Variants in ERGIC3 observed in about 807,000 individuals in gnomAD.
ERGIC3 encodes endoplasmic reticulum-Golgi intermediate compartment protein 3.
ERGIC3 carries 33 observed loss-of-function variants against 54.7 expected under a neutral mutation model. The observed-to-expected ratio is 0.60, with a 90% CI of 0.46 to 0.81. The LOEUF (loss-of-function observed/expected upper bound fraction) is 0.81, where lower values mean the gene tolerates loss of function less well. Among genes scored for constraint, ERGIC3 ranks in the 30% least tolerant of loss-of-function variants. The pLI, the probability that ERGIC3 is intolerant of heterozygous loss-of-function variation, is 0.00. For synonymous variants in ERGIC3, 186 were observed against 189.8 expected, an observed-to-expected ratio of 0.98 and a Z score of 0.16; for missense variants, 399 against 488.4, an observed-to-expected ratio of 0.82 and a Z score of 1.73.
chr20:35,547,384 G>A (rs1464668678), intron 4 of ERGIC3, 28 bp from the exon 5 acceptor site: 1 of 1,593,580 alleles, frequency 6.3e-7, no homozygotes, highest in East Asian at 2.2e-5. Flanking sequence ...GGCCCCAGCT[G>A]ATGCCTCTGC....
intron 7 of ERGIC3, chr20:35,549,286 T>C (rs1443282603): frequency 8.5e-6 from 4 of 468,928 alleles, no homozygotes; most frequent in Non-Finnish European, 1.8e-5. Context: ...CAGAGCTAGG[T>C]TGGAGCACAG....
chr20:35,549,249 G>A (rs763473250), intron 7 of ERGIC3: 3 of 472,594 alleles, frequency 6.3e-6, no homozygotes, highest in East Asian at 6.9e-5. Context: ...GTCCGATGAT[G>A]ACCTGTGCAT....
At position 35,547,480 on chromosome 20, in the gene ERGIC3, T is replaced by TA; in HGVS notation, c.437dup (p.Tyr146Ter). ...SLDPDRCESC[Y>*]GAEAEDIKCC... The stretch of plus-strand genomic sequence containing the variant: ...GGACCCTGATCGCTGTGAGAGCTGC[T>TA]ATGGTGCTGAGGCAGAAGATATCAA... Residue 146 changes from tyrosine to a stop codon, truncating the protein, a stop_gained and frameshift_variant, in exon 5 of 13, where the codon TAT becomes TAAT. Coordinates refer to ENST00000348547, the MANE Select transcript of ERGIC3 (RefSeq NM_015966.3). LOFTEE classifies it high-confidence loss of function. 2 of 1,614,028 alleles carry TA rather than the reference T, an allele frequency of 1.2e-6. No individual in the cohort carries two copies. Among genetic ancestry groups the TA allele is most frequent in the Non-Finnish European group, 1.7e-6 (2 of 1,179,998 alleles).
chr20:35,552,227 G>T (rs765081512), intron 7 of ERGIC3, among the ~76,000 whole-genome samples: 1 of 152,204 alleles, frequency 6.6e-6, no homozygotes, highest in Non-Finnish European at 1.5e-5. Context: ...TCTTCTCCGT[G>T]TTGTAGGAAG....
intron 4 of ERGIC3, 132 bp from the exon 5 acceptor site, chr20:35,547,280 G>A: frequency 3.0e-6 from 2 of 662,166 alleles, no homozygotes; most frequent in East Asian, 2.8e-5. Context: ...TGCCTGACCC[G>A]TAGCATGTAC....
intron 5 of ERGIC3, among the ~76,000 whole-genome samples, chr20:35,548,134 C>G (rs2064660633): frequency 6.6e-6 from 1 of 152,178 alleles, no homozygotes; most frequent in African/African-American, 2.4e-5. Context: ...TCACCACTCT[C>G]TGTCCTAAAA....
chr20:35,549,073 T>C, intron 7 of ERGIC3: 1 of 685,706 alleles, frequency 1.5e-6, no homozygotes, highest in Non-Finnish European at 2.7e-6. Context: ...TTTCAGACCT[T>C]ACTGGCTGTG....
intron 4 of ERGIC3, chr20:35,544,946 G>A (rs1211261411): frequency 1.3e-5 from 2 of 151,310 alleles, no homozygotes; most frequent in Non-Finnish European, 2.9e-5. Flanking sequence ...GGGGTTACAG[G>A]CGCCTGCCCC....
At chr20:35,551,260 C>G (rs533262093) in intron 7 of ERGIC3, among the ~76,000 whole-genome samples, 1 of 151,304 alleles carries the variant, frequency 6.6e-6, no homozygotes, top group Non-Finnish European at 1.5e-5. Context: ...TGCCATTTCA[C>G]TCCAGCCTGA....
intron 1 of ERGIC3, 39 bp downstream of exon 1, chr20:35,542,224 G>A: frequency 9.4e-6 from 15 of 1,599,090 alleles, no homozygotes; most frequent in Non-Finnish European, 1.3e-5. Flanking sequence ...GGAGGGGGGC[G>A]TCCTAGAGCT....
intron 7 of ERGIC3, 109 bp from the exon 8 acceptor site, chr20:35,554,935 A>C: frequency 7.7e-7 from 1 of 1,299,710 alleles, no homozygotes; most frequent in Non-Finnish European, 1.1e-6. Context: ...TGGAGAAGGA[A>C]TGAGGGGCAG....
rs981193656 is a variant in ERGIC3, at chr20:35,549,056, A to G, written c.685+191A>G. On this transcript the variant is annotated intron_variant, in intron 7 of 12. Coordinates refer to ENST00000348547, the MANE Select transcript of ERGIC3 (RefSeq NM_015966.3). The stretch of plus-strand genomic sequence containing the variant: ...GAGGAGCCAGACTGCCTGCATTCAG[A>G]TACCAGTTTCAGACCTTACTGGCTG... 3 of 703,584 alleles carry G rather than the reference A, an allele frequency of 4.3e-6. No individual in the cohort carries two copies. In the Admixed American group the frequency reaches 6.2e-5, roughly 14 times the overall value. 43.6% of individuals were successfully genotyped at this position (703,584 alleles called of 1,614,324 possible). A position where few individuals can be genotyped will look rare whatever the true frequency, so the allele number is the denominator to read the frequency against.
At chr20:35,543,326 A>G (rs1357470281) in intron 4 of ERGIC3, 1 of 334,324 alleles carries the variant, frequency 3.0e-6, no homozygotes, top group Admixed American at 4.0e-5. Flanking sequence ...CCCCTTTGGA[A>G]TGCAGGTGGT....
rs750020495 is a variant in ERGIC3, at chr20:35,555,067, C to T, written c.709C>T (p.Leu237Phe). 1.2e-6 allele frequency: 2 copies of T among 1,603,748 alleles called. No individual in the cohort carries two copies. The highest frequency in any genetic ancestry group is 2.2e-5 in the South Asian group (2 of 90,890). The change falls in exon 8 of 13, where the codon CTT becomes TTT. Residue 237 changes from leucine (L) to phenylalanine (F), a missense_variant. By Grantham distance (22) the Leu-to-Phe change is conservative (BLOSUM62 0). Transcript: ENST00000348547. ...VHVHDLQSFGLDNINMTHYIQ... is the reference protein window; with the variant it reads ...VHVHDLQSFGFDNINMTHYIQ... ...AGTCCATGACTTGCAGAGCTTTGGC[C>T]TTGACAACGTACGTACCAGATGGAA... is the stretch of plus-strand genomic sequence containing the variant.
intron 4 of ERGIC3, among the ~76,000 whole-genome samples, chr20:35,546,912 A>C (rs371133409): frequency 3.9e-5 from 6 of 152,262 alleles, no homozygotes; most frequent in African/African-American, 1.4e-4. Context: ...GTCAGTATTC[A>C]TTATTGAAAT....
In ERGIC3 at chr20:35,557,585, G is replaced by A. The variant is rs1601370317; in HGVS notation, c.*81G>A. 5 of 1,195,220 alleles carry A rather than the reference G, an allele frequency of 4.2e-6. No homozygotes were observed. Among genetic ancestry groups the A allele is most frequent in the African/African-American group, 1.5e-5 (1 of 66,880 alleles). The allele number at this position is 1,195,220 out of a possible 1,614,324, so 74.0% of individuals were successfully genotyped here. On this transcript the variant is annotated 3_prime_UTR_variant, in exon 13 of 13. Coordinates refer to ENST00000348547, the MANE Select transcript of ERGIC3 (RefSeq NM_015966.3). The stretch of plus-strand genomic sequence containing the variant: ...AGCCTCTGCCACCCTCCACCTCCTC[G>A]GTCAGCCCCAGCCCCAGGTTGATAA...
chr20:35,556,587 C>G (rs941157379), intron 10 of ERGIC3: 2 of 499,528 alleles, frequency 4.0e-6, no homozygotes, highest in African/African-American at 1.9e-5. Context: ...TCTGTGTACC[C>G]GCTCCCAAGG....
intron 2 of ERGIC3, 21 bp downstream of exon 2, chr20:35,542,414 C>T (rs2064619106): frequency 6.2e-7 from 1 of 1,612,994 alleles, no homozygotes; most frequent in Non-Finnish European, 8.5e-7. Context: ...GGGCTTAGTG[C>T]GTGGGCGGGG....
rs1034018150 is a variant in ERGIC3, at chr20:35,547,108, G to C, written c.368-304G>C. 1.4e-4 allele frequency among the ~76,000 whole-genome samples: 21 copies of C among 152,058 alleles called. 1 individual carries two copies. Among genetic ancestry groups the C allele is most frequent in the African/African-American group, 5.1e-4 (21 of 41,412 alleles). ...CCTCAACATCTTCTCAGTAAAACAG[G>C]GATAATTACCGCCACCCTCAAAGAG... is the stretch of plus-strand genomic sequence containing the variant. On this transcript the variant is annotated intron_variant, in intron 4 of 12. Transcript: ENST00000348547.
Sources: allele counts gnomAD v4.1 joint callset (sites outside exome capture counted in the v4.1 genomes callset), GRCh38; gene constraint gnomAD v4.1.1; transcripts MANE v1.5; gene names NCBI Gene and HGNC (gene_info 2026-07-23, HGNC 2026-07-21).